PTPRU: variants seen among roughly 807,000 people sequenced by gnomAD.
PTPRU encodes receptor-type tyrosine-protein phosphatase U.
A neutral mutation model predicts 166.3 loss-of-function variants in PTPRU; 69 were observed. That is an observed-to-expected ratio of 0.41 (90% CI 0.34 to 0.51). The LOEUF is 0.51. Among genes scored for constraint, PTPRU ranks in the 20% least tolerant of loss-of-function variants. The pLI is 0.09. For synonymous variants in PTPRU, 793 were observed against 814.0 expected (o/e 0.97, Z 0.44); for missense variants, 1,657 against 2,013.7 (o/e 0.82, Z 3.39).
At chr1:29,243,553 C>T (rs1684150776) in intron 1 of PTPRU, among the ~76,000 whole-genome samples, 1 of 152,244 alleles carries the variant, frequency 6.6e-6, no homozygotes, top group Non-Finnish European at 1.5e-5. Flanking sequence ...GATCTACCTA[C>T]TTGTTCAGCC....
intron 15 of PTPRU, among the ~76,000 whole-genome samples, chr1:29,292,930 C>T (rs1348818036): frequency 6.6e-6 from 1 of 151,506 alleles, no homozygotes; most frequent in Admixed American, 6.6e-5. Context: ...ATTTTCCTGC[C>T]TTAACCTCCC....
Position 29,280,799 on chromosome 1 carries a change from G to A in PTPRU, c.1868+658G>A, listed in dbSNP as rs1461311529. 6.6e-6 allele frequency among the ~76,000 whole-genome samples: 1 copy of A among 151,964 alleles called. No homozygotes were observed. The highest frequency in any genetic ancestry group is 2.4e-5 in the African/African-American group (1 of 41,376). On this transcript the variant is annotated intron_variant, in intron 11 of 29. Coordinates refer to ENST00000373779, the MANE Select transcript of PTPRU (RefSeq NM_133178.4). This position sits in a 1 kb window ranked among gnomAD's most constrained non-coding sequence, Gnocchi z 4.2. ...TGCATGTGTGTGAGAGTGTGAGGGTGTTTGTGCAACTGTGTGCACGTACTG... is the reference window on the plus strand; with the variant it reads ...TGCATGTGTGTGAGAGTGTGAGGGTATTTGTGCAACTGTGTGCACGTACTG...
intron 1 of PTPRU, among the ~76,000 whole-genome samples, chr1:29,247,637 C>G (rs938501320): frequency 6.6e-6 from 1 of 152,370 alleles, no homozygotes; most frequent in South Asian, 2.1e-4. Flanking sequence ...CACTGCACAA[C>G]ATAGTCCTCC....
At position 29,282,705 on chromosome 1, in the gene PTPRU, G is replaced by T; in HGVS notation, c.1898G>T (p.Arg633Leu). The T allele has an allele frequency of 6.2e-7, 1 of 1,613,064 alleles. No individual in the cohort carries two copies. The highest frequency in any genetic ancestry group is 8.5e-7 in the Non-Finnish European group (1 of 1,179,906). The change falls in exon 12 of 30, where the codon CGG (arginine) becomes CTG (leucine). Residue 633 changes from arginine to leucine, a missense_variant. Arg to Leu is a moderately radical substitution (Grantham distance 102). Around this residue, in one of 3 missense-constraint regions of PTPRU, gnomAD observed 1,190 missense variants for 1,477.4 expected, o/e 0.81. Coordinates refer to ENST00000373779, the MANE Select transcript of PTPRU (RefSeq NM_133178.4). ...TACCAGGTGATTGTGGAGGAGGAGC[G>T]GGCGCGGAGGCTGCGGCGGGAGCCA... ...SVYQVIVEEE[R>L]ARRLRREPGG...
intron 14 of PTPRU, among the ~76,000 whole-genome samples, chr1:29,285,292 C>T (rs990013983): frequency 6.6e-6 from 1 of 152,198 alleles, no homozygotes; most frequent in Non-Finnish European, 1.5e-5. Context: ...ATGGAGCTCA[C>T]TCCTCTTTAA....
At chr1:29,274,300 A>T (rs1685700792) in intron 7 of PTPRU, among the ~76,000 whole-genome samples, 1 of 152,172 alleles carries the variant, frequency 6.6e-6, no homozygotes, top group Non-Finnish European at 1.5e-5. Context: ...CGGCCTCCCA[A>T]AGTGCTGGGA....
intron 14 of PTPRU, among the ~76,000 whole-genome samples, chr1:29,285,893 G>A (rs1467646606): frequency 1.3e-5 from 2 of 152,356 alleles, no homozygotes; most frequent in Middle Eastern, 6.8e-3. Context: ...GAGGGATGGG[G>A]ATGTTGAGGC....
In PTPRU at chr1:29,314,909, C is replaced by T. The variant is rs1011974426; in HGVS notation, c.3228-463C>T. 2.6e-5 allele frequency among the ~76,000 whole-genome samples: 4 copies of T among 152,250 alleles called. No homozygotes were observed. In the South Asian group the frequency reaches 6.2e-4, roughly 24 times the overall value. On this transcript the variant is annotated intron_variant, in intron 22 of 29. Coordinates refer to ENST00000373779, the MANE Select transcript of PTPRU (RefSeq NM_133178.4). The stretch of plus-strand genomic sequence containing the variant: ...GAGTGTTTTAATAAAAACCTGCCCA[C>T]GTTGCTTTGGGAACTCAAAAGAATG...
Position 29,260,514 on chromosome 1 carries a change from G to A in PTPRU, c.851-96G>A. 1 of 949,196 alleles carries A rather than the reference G, an allele frequency of 1.1e-6. No homozygotes were observed. Among genetic ancestry groups the A allele is most frequent in the South Asian group, 1.9e-5 (1 of 52,310 alleles). The allele number at this position is 949,196 out of a possible 1,614,324, so 58.8% of individuals were successfully genotyped here. Reference sequence around the variant, plus strand: ...GTAGCAGCGTGAGAGGCCCTAGGAGGACGGAGAGGGATTTGGGTGTGGTGG... The same window carrying A: ...GTAGCAGCGTGAGAGGCCCTAGGAGAACGGAGAGGGATTTGGGTGTGGTGG... On this transcript the variant is annotated intron_variant, in intron 6 of 29. Transcript: ENST00000373779. The surrounding 1 kb of genome is among the most constrained non-coding windows in gnomAD (Gnocchi z 8.3).
Position 29,275,445 on chromosome 1 carries a change from C to T in PTPRU, c.1145-3C>T. 6.2e-7 allele frequency: 1 copy of T among 1,609,950 alleles called. No homozygotes were observed. Among genetic ancestry groups the T allele is most frequent in the Non-Finnish European group, 8.5e-7 (1 of 1,176,522 alleles). ...TCTTCTCTCTGCTTCCTGCATTCTC[C>T]AGAGCCCATGAGGGCCCCCAAAGGC... On this transcript the variant is annotated splice_polypyrimidine_tract_variant and splice_region_variant and intron_variant, in intron 7 of 29. Transcript: ENST00000373779.
chr1:29,265,227 C>T (rs1489665226), intron 7 of PTPRU, among the ~76,000 whole-genome samples: 1 of 152,200 alleles, frequency 6.6e-6, no homozygotes, highest in Non-Finnish European at 1.5e-5. Context: ...ATGAGTGATC[C>T]AGTTTTCTGC....
rs752265933 is a variant in PTPRU, at chr1:29,282,848, A to G, written c.2041A>G (p.Thr681Ala). ...CAGTCTACCTGAGGCCATGCCCTTT[A>G]CCGTGGGTGACAACCAGACCTACCG... is the stretch of plus-strand genomic sequence containing the variant. ...ASSLPEAMPF[T>A]VGDNQTYRGF... Residue 681 changes from threonine to alanine, a missense_variant, in exon 12 of 30, where the codon ACC (threonine) becomes GCC (alanine). Thr to Ala is a moderately conservative substitution (Grantham distance 58). Transcript: ENST00000373779. 54 of 1,613,978 alleles carry G rather than the reference A, an allele frequency of 3.3e-5. No individual in the cohort carries two copies. The highest frequency in any genetic ancestry group is 3.9e-5 in the Non-Finnish European group (46 of 1,180,010).
Position 29,279,326 on chromosome 1 carries a change from G to A in PTPRU, c.1564-130G>A. ...AGAGCCGAAGATGACTAGAAGCCTG[G>A]CTTGATGGCATCCATAGTCTCCTTT... On this transcript the variant is annotated intron_variant, in intron 9 of 29. Transcript: ENST00000373779. This position sits in a 1 kb window ranked among gnomAD's most constrained non-coding sequence, Gnocchi z 5.2. 1 of 1,128,810 alleles carries A rather than the reference G, an allele frequency of 8.9e-7. No homozygotes were observed. 69.9% of individuals were successfully genotyped at this position (1,128,810 alleles called of 1,614,324 possible). A position where few individuals can be genotyped will look rare whatever the true frequency, so the allele number is the denominator to read the frequency against.
intron 15 of PTPRU, among the ~76,000 whole-genome samples, chr1:29,300,598 G>T (rs1054265004): frequency 1.3e-5 from 2 of 152,166 alleles, no homozygotes; most frequent in African/African-American, 4.8e-5. Context: ...TAAAATTAAG[G>T]GTTTGGGCAT....
chr1:29,307,391 C>A (rs1290507963), intron 18 of PTPRU, among the ~76,000 whole-genome samples: 2 of 152,248 alleles, frequency 1.3e-5, no homozygotes, highest in African/African-American at 4.8e-5. Context: ...TGAGCAGGGG[C>A]AGCAGTGTTG....
rs758801155 is a variant in PTPRU, at chr1:29,305,364, G to A, written c.2756G>A (p.Arg919Gln). The change falls in exon 18 of 30, where the codon CGA (arginine) becomes CAA (glutamine). Residue 919 changes from arginine (R) to glutamine (Q), a missense_variant. Physicochemically the swap from Arg to Gln is conservative, Grantham distance 43. Transcript: ENST00000373779. ...TCTGTGTTTACAGATGATCGGCACC[G>A]AGTGAAACTGCACCCGATGCTGGGA... ...QEPMPAYDRHRVKLHPMLGDP... is the reference protein window; with the variant it reads ...QEPMPAYDRHQVKLHPMLGDP... 2.2e-5 allele frequency: 36 copies of A among 1,613,788 alleles called. No homozygotes were observed. Among genetic ancestry groups the A allele is most frequent in the East Asian group, 1.6e-4 (7 of 44,898 alleles).
intron 7 of PTPRU, among the ~76,000 whole-genome samples, chr1:29,267,827 A>G (rs1327795324): frequency 6.6e-6 from 1 of 152,208 alleles, no homozygotes; most frequent in African/African-American, 2.4e-5. Flanking sequence ...AGGAGGGCAA[A>G]GGTGCCGCAG....
chr1:29,237,894 C>G lies in PTPRU; in HGVS notation c.73+1177C>G, dbSNP rs1193313672. Among the ~76,000 whole-genome samples, 6 of 147,502 alleles carry G rather than the reference C, an allele frequency of 4.1e-5. No homozygotes were observed. The highest frequency in any genetic ancestry group is 1.5e-4 in the African/African-American group (6 of 40,858). Reference sequence around the variant, plus strand: ...CGGGCGGCCGGGCGGGGGCTGTCCCCGGGCTGGGCTGCGACGTCCGGGCGC... The same window carrying G: ...CGGGCGGCCGGGCGGGGGCTGTCCCGGGGCTGGGCTGCGACGTCCGGGCGC... On this transcript the variant is annotated intron_variant, in intron 1 of 29. Coordinates refer to ENST00000373779, the MANE Select transcript of PTPRU (RefSeq NM_133178.4). This position sits in a 1 kb window ranked among gnomAD's most constrained non-coding sequence, Gnocchi z 6.4.
At chr1:29,286,245 A>G (rs766183751) in intron 14 of PTPRU, among the ~76,000 whole-genome samples, 4 of 152,184 alleles carry the variant, frequency 2.6e-5, no homozygotes, top group Non-Finnish European at 5.9e-5. Flanking sequence ...CAGCTTTAAG[A>G]GAGACTATTT....
Sources: gnomAD v4.1 joint callset for allele counts (sites outside exome capture counted in the v4.1 genomes callset) on GRCh38, gnomAD v4.1.1 for gene constraint, gnomAD v4.1.1 regional missense constraint, Gnocchi (gnomAD v3.1) non-coding constraint, MANE v1.5 for transcripts, NCBI Gene and HGNC (gene_info 2026-07-23, HGNC 2026-07-21) for gene names.